Variants in FTO observed in about 807,000 individuals in gnomAD.
FTO encodes the protein alpha-ketoglutarate-dependent dioxygenase FTO.
In FTO, 47 loss-of-function variants were observed where a neutral mutation model predicts 63.9. The observed-to-expected ratio is 0.74, with a 90% CI of 0.58 to 0.94. FTO has a LOEUF of 0.94. FTO is among the 40% of genes least tolerant of loss of function. The probability of loss-of-function intolerance (pLI) is 0.00; values close to 1 mark genes in which losing one functional copy is unlikely to be tolerated. For missense variants in FTO, 562 were observed against 618.1 expected (o/e 0.91, Z 0.96); for synonymous variants, 207 against 224.4 (o/e 0.92, Z 0.69).
intron 8 of FTO, among the ~76,000 whole-genome samples, chr16:54,014,153 C>G (rs1309732879): frequency 6.6e-6 from 1 of 152,136 alleles, no homozygotes; most frequent in African/African-American, 2.4e-5. Flanking sequence ...TTGAAGCTCT[C>G]TGTCTGTTTT....
In FTO at chr16:53,961,165, C is replaced by T. The variant is rs538231187; in HGVS notation, c.1364+27056C>T. On this transcript the variant is annotated intron_variant, in intron 8 of 8. Coordinates refer to ENST00000471389, the MANE Select transcript of FTO (RefSeq NM_001080432.3). ...TCTCCTTTTTTTTTTTTCCCCTCTC[C>T]TGCAGGCTGTTCTGCTCTGCATCGA... Among the ~76,000 whole-genome samples the T allele has an allele frequency of 2.1e-3, 322 of 151,890 alleles. 1 individual carries two copies. The highest frequency in any genetic ancestry group is 7.3e-3 in the African/African-American group (302 of 41,432).
chr16:53,731,417 A>C (rs1598510552), intron 1 of FTO, among the ~76,000 whole-genome samples: 1 of 152,284 alleles, frequency 6.6e-6, no homozygotes, highest in Non-Finnish European at 1.5e-5. Context: ...CCAAATTTGA[A>C]AAGTTTGAAA....
chr16:54,003,699 T>C (rs568976130), intron 8 of FTO, among the ~76,000 whole-genome samples: 15 of 152,254 alleles, frequency 9.9e-5, no homozygotes, highest in East Asian at 5.8e-4. Context: ...CTAGGAAATA[T>C]CATAGAAATA....
intron 8 of FTO, among the ~76,000 whole-genome samples, chr16:54,027,275 A>T (rs1261926213): frequency 2.6e-5 from 4 of 152,142 alleles, no homozygotes; most frequent in Non-Finnish European, 5.9e-5. Context: ...CAACAAGCAT[A>T]GCTGAATTTT....
chr16:53,888,487 T>C (rs1295908565), intron 6 of FTO, among the ~76,000 whole-genome samples: 1 of 117,780 alleles, frequency 8.5e-6, no homozygotes, highest in Non-Finnish European at 1.9e-5. Context: ...GGCCAATTTA[T>C]TTTTAATTGT....
At chr16:53,977,751 C>G (rs1478585786) in intron 8 of FTO, among the ~76,000 whole-genome samples, 2 of 152,096 alleles carry the variant, frequency 1.3e-5, no homozygotes, top group African/African-American at 4.8e-5. Context: ...CTGGAATTGT[C>G]TCTTTTCATT....
intron 8 of FTO, among the ~76,000 whole-genome samples, chr16:54,059,563 G>C (rs1381428091): frequency 6.6e-6 from 1 of 152,158 alleles, no homozygotes; most frequent in Admixed American, 6.5e-5. Context: ...GCTCTGACAA[G>C]GGGCTGTAAA....
chr16:53,795,819 T>C (rs1259698815), intron 1 of FTO, among the ~76,000 whole-genome samples: 1 of 152,146 alleles, frequency 6.6e-6, no homozygotes, highest in Non-Finnish European at 1.5e-5. Context: ...GAGAATAATA[T>C]ACTAATATAT....
At chr16:53,722,774 G>A (rs887555820) in intron 1 of FTO, among the ~76,000 whole-genome samples, 1 of 151,400 alleles carries the variant, frequency 6.6e-6, no homozygotes, top group Non-Finnish European at 1.5e-5. Flanking sequence ...GTTGTAGTGA[G>A]CTGAGGTTGC....
intron 8 of FTO, among the ~76,000 whole-genome samples, chr16:53,940,331 T>C (rs2082497780): frequency 6.6e-6 from 1 of 152,192 alleles, no homozygotes; most frequent in South Asian, 2.1e-4. Flanking sequence ...CCCCTCTTGT[T>C]GGTGATAAAG....
At chr16:53,938,838 C>T (rs923348217) in intron 8 of FTO, among the ~76,000 whole-genome samples, 1 of 152,084 alleles carries the variant, frequency 6.6e-6, no homozygotes, top group Non-Finnish European at 1.5e-5. Flanking sequence ...GCCTGTAATC[C>T]CAGCACTTTG....
At chr16:53,867,947 T>C (rs565759627) in intron 4 of FTO, among the ~76,000 whole-genome samples, 358 of 149,626 alleles carry the variant, frequency 2.4e-3, no homozygotes, top group Non-Finnish European at 4.3e-3. Flanking sequence ...TACCCCTTTT[T>C]CTCTGTGATA....
intron 7 of FTO, among the ~76,000 whole-genome samples, chr16:53,926,453 T>C (rs12918495): frequency 0.6 from 91,637 of 152,126 alleles, 28,414 homozygotes; most frequent in East Asian, 0.85. Flanking sequence ...TGTTGCCATA[T>C]TAGGCACCTT....
At chr16:54,027,093 G>A (rs547099928) in intron 8 of FTO, among the ~76,000 whole-genome samples, 148 of 152,038 alleles carry the variant, frequency 9.7e-4, no homozygotes, top group South Asian at 2.5e-3. Context: ...CAGAGAGAGA[G>A]AAGAGAGAAG....
intron 8 of FTO, among the ~76,000 whole-genome samples, chr16:54,096,608 CA>C (rs1394563352): frequency 6.6e-6 from 1 of 152,152 alleles, no homozygotes; most frequent in Non-Finnish European, 1.5e-5. Context: ...AACTTGCCTG[CA>C]AAAATAGCTT....
chr16:53,879,840 A>G lies in FTO; in HGVS notation c.976-4A>G. 1 of 1,614,062 alleles carries G rather than the reference A, an allele frequency of 6.2e-7. No individual in the cohort carries two copies. Among genetic ancestry groups the G allele is most frequent in the Admixed American group, 1.7e-5 (1 of 60,016 alleles). On this transcript the variant is annotated splice_polypyrimidine_tract_variant and splice_region_variant and intron_variant, in intron 5 of 8. Transcript: ENST00000471389. ...AATTGTGATTGCTGGTTCTGTCTCAACAGTGCTCAACAGGAACCTTGGATT... is the reference window on the plus strand; with the variant it reads ...AATTGTGATTGCTGGTTCTGTCTCAGCAGTGCTCAACAGGAACCTTGGATT...
chr16:54,058,089 A>G (rs1259674812), intron 8 of FTO, among the ~76,000 whole-genome samples: 9 of 152,018 alleles, frequency 5.9e-5, no homozygotes, highest in African/African-American at 2.2e-4. Context: ...GACAGATGTT[A>G]TGGAGGAGAA....
chr16:53,972,417 A>C (rs2083346058), intron 8 of FTO, among the ~76,000 whole-genome samples: 1 of 152,214 alleles, frequency 6.6e-6, no homozygotes, highest in African/African-American at 2.4e-5. Flanking sequence ...CCCCATCTGC[A>C]AAATGGAGTT....
intron 8 of FTO, among the ~76,000 whole-genome samples, chr16:54,091,262 T>C (rs2086377797): frequency 6.6e-6 from 1 of 152,138 alleles, no homozygotes; most frequent in African/African-American, 2.4e-5. Context: ...CAAGAAATGG[T>C]ATGCCGGTAC....
Sources: allele counts gnomAD v4.1 joint callset (sites outside exome capture counted in the v4.1 genomes callset), GRCh38; gene constraint gnomAD v4.1.1; transcripts MANE v1.5; gene names NCBI Gene and HGNC (gene_info 2026-07-23, HGNC 2026-07-21).